Variants in GRIP1 observed in about 807,000 individuals in gnomAD.
The protein encoded by GRIP1 is glutamate receptor-interacting protein 1.
A neutral mutation model predicts 129.9 loss-of-function variants in GRIP1; 45 were observed. The observed-to-expected ratio is 0.35, with a 90% confidence interval of 0.27 to 0.44. The LOEUF is 0.44. Among genes scored for constraint, GRIP1 ranks in the 20% least tolerant of loss-of-function variants. The pLI is 1.00. For missense variants in GRIP1, 1,196 were observed against 1,396.8 expected (o/e 0.86, Z 2.29); for synonymous variants, 530 against 520.8 (o/e 1.02, Z -0.24).
intron 1 of GRIP1, among the ~76,000 whole-genome samples, chr12:66,939,320 C>G (rs1437176404): frequency 6.6e-6 from 1 of 151,552 alleles, no homozygotes; most frequent in Non-Finnish European, 1.5e-5. Flanking sequence ...GCACACTAAC[C>G]TGGGCGACAG....
In GRIP1 at chr12:66,943,804, G is replaced by A. The variant is rs561599991; in HGVS notation, c.58+125246C>T. On this transcript the variant is annotated intron_variant, in intron 1 of 1. Coordinates refer to the GRIP1 transcript ENST00000643019. ...AATGTAACTAAGAATGTACTAAAACGGTGTGAGAATTTGATTCAATATATT... is the reference window on the plus strand; with the variant it reads ...AATGTAACTAAGAATGTACTAAAACAGTGTGAGAATTTGATTCAATATATT... Among the ~76,000 whole-genome samples the A allele has an allele frequency of 2.6e-5, 4 of 152,240 alleles. 1 individual carries two copies. The highest frequency in any genetic ancestry group is 7.2e-5 in the African/African-American group (3 of 41,562).
intron 1 of GRIP1, among the ~76,000 whole-genome samples, chr12:66,916,011 G>A (rs1414919787): frequency 6.6e-6 from 1 of 152,172 alleles, no homozygotes; most frequent in African/African-American, 2.4e-5. Context: ...TGCTTTTGTT[G>A]GGGGCAAGGG....
chr12:66,942,394 T>C (rs2137452863), intron 1 of GRIP1, among the ~76,000 whole-genome samples: 1 of 151,940 alleles, frequency 6.6e-6, no homozygotes, highest in South Asian at 2.1e-4. Context: ...AAGCATAACA[T>C]TGCTACTTCT....
intron 1 of GRIP1, among the ~76,000 whole-genome samples, chr12:66,631,926 T>G (rs966637437): frequency 6.6e-6 from 1 of 152,226 alleles, no homozygotes; most frequent in African/African-American, 2.4e-5. Context: ...GGTAGGTATT[T>G]CTTCCTACAC....
chr12:66,759,504 C>A (rs928866766), intron 1 of GRIP1, among the ~76,000 whole-genome samples: 2 of 152,224 alleles, frequency 1.3e-5, no homozygotes, highest in African/African-American at 4.8e-5. Context: ...ATGCAAATTT[C>A]TGCATCCAGC....
At chr12:66,733,223 A>G (rs1248419013) in intron 1 of GRIP1, among the ~76,000 whole-genome samples, 3 of 152,136 alleles carry the variant, frequency 2.0e-5, no homozygotes, top group African/African-American at 7.2e-5. Flanking sequence ...TCTGCTGCTT[A>G]TACTTGTTTT....
chr12:66,901,552 C>T (rs930819349), intron 1 of GRIP1, among the ~76,000 whole-genome samples: 2 of 152,214 alleles, frequency 1.3e-5, no homozygotes, highest in African/African-American at 4.8e-5. Flanking sequence ...GGGAAGATGG[C>T]ACACATTAAG....
At chr12:66,714,248 G>A (rs1034185031) in intron 1 of GRIP1, among the ~76,000 whole-genome samples, 1 of 151,944 alleles carries the variant, frequency 6.6e-6, no homozygotes, top group African/African-American at 2.4e-5. Flanking sequence ...CACGACTTAA[G>A]GAGTTGGTAT....
intron 1 of GRIP1, among the ~76,000 whole-genome samples, chr12:66,729,596 C>T (rs190576061): frequency 6.3e-4 from 96 of 152,018 alleles, no homozygotes; most frequent in Middle Eastern, 3.4e-3. Context: ...TTTTTTGAGA[C>T]GGAGTCTTGC....
chr12:66,890,574 A>G (rs1041934836), intron 1 of GRIP1, among the ~76,000 whole-genome samples: 2 of 152,240 alleles, frequency 1.3e-5, no homozygotes, highest in African/African-American at 4.8e-5. Context: ...ATGACACAAC[A>G]TTCGAAAGTA....
chr12:66,965,510 A>G (rs895502303), intron 1 of GRIP1, among the ~76,000 whole-genome samples: 14 of 135,382 alleles, frequency 1.0e-4, no homozygotes, highest in African/African-American at 4.0e-4. Context: ...TTGAGGTTTA[A>G]TTTTTCTACA....
chr12:66,879,815 G>C (rs539727386), intron 1 of GRIP1, among the ~76,000 whole-genome samples: 1 of 152,124 alleles, frequency 6.6e-6, no homozygotes, highest in East Asian at 1.9e-4. Flanking sequence ...GAGTAGATAA[G>C]GCAGAGCTTA....
chr12:66,932,503 T>C (rs2041413740), intron 1 of GRIP1, among the ~76,000 whole-genome samples: 1 of 152,082 alleles, frequency 6.6e-6, no homozygotes, highest in Admixed American at 6.6e-5. Context: ...AGGGCTCCTC[T>C]GTGCCAGGCT....
intron 1 of GRIP1, among the ~76,000 whole-genome samples, chr12:66,982,929 T>C (rs1405327277): frequency 1.3e-5 from 2 of 152,232 alleles, no homozygotes; most frequent in East Asian, 1.9e-4. Context: ...ACTTATAAGA[T>C]GTAAGCAGAA....
chr12:66,698,983 A>C (rs1565974592), intron 1 of GRIP1, among the ~76,000 whole-genome samples: 1 of 152,178 alleles, frequency 6.6e-6, no homozygotes, highest in Non-Finnish European at 1.5e-5. Context: ...CAGCAGGCTC[A>C]GTAAATGCCA....
At chr12:67,037,925 C>CGT (rs2043123061) in intron 1 of GRIP1, among the ~76,000 whole-genome samples, 1 of 152,102 alleles carries the variant, frequency 6.6e-6, no homozygotes, top group African/African-American at 2.4e-5. Context: ...CCAGGGAGGG[C>CGT]GTGTGTGATT....
Position 66,554,291 on chromosome 12 carries a change from C to T in GRIP1, c.137-12341G>A, listed in dbSNP as rs117871019. On this transcript the variant is annotated intron_variant, in intron 2 of 24. Transcript: ENST00000359742. ...TCTGAACAAGATTTCTAGACAAAAC[C>T]TGGGCCAAAACTCACTGCCTTGAAG... Among the ~76,000 whole-genome samples, 242 of 152,264 alleles carry T rather than the reference C, an allele frequency of 1.6e-3. 3 individuals carry two copies. The East Asian group carries it at 0.033, about 21-fold the overall frequency.
At chr12:66,614,548 T>G (rs2064955007) in intron 1 of GRIP1, among the ~76,000 whole-genome samples, 1 of 152,134 alleles carries the variant, frequency 6.6e-6, no homozygotes, top group Non-Finnish European at 1.5e-5. Flanking sequence ...GATGCCACCA[T>G]CACCTCTTGC....
chr12:66,465,698 T>C (rs556703634), intron 7 of GRIP1, among the ~76,000 whole-genome samples: 11 of 152,372 alleles, frequency 7.2e-5, no homozygotes, highest in Non-Finnish European at 1.5e-4. Context: ...TAATATCTTA[T>C]GTATCTTTAT....
Sources: gnomAD v4.1 joint callset for allele counts (sites outside exome capture counted in the v4.1 genomes callset) on GRCh38, gnomAD v4.1.1 for gene constraint, MANE v1.5 for transcripts, NCBI Gene and HGNC (gene_info 2026-07-23, HGNC 2026-07-21) for gene names.